Variants in TRIM24 observed in about 807,000 individuals in gnomAD.
TRIM24 encodes the protein tripartite motif containing 24, also known as transcription intermediary factor 1-alpha.
A neutral mutation model predicts 123.9 loss-of-function variants in TRIM24; 29 were observed. That is an observed-to-expected ratio of 0.23 (90% CI 0.17 to 0.32). The LOEUF is 0.32. TRIM24 is among the 10% of genes least tolerant of loss of function. The pLI is 1.00. For synonymous variants in TRIM24, 456 were observed against 461.1 expected, an observed-to-expected ratio of 0.99 and a Z score of 0.14; for missense variants, 932 against 1,295.3, an observed-to-expected ratio of 0.72 and a Z score of 4.31.
At chr7:138,494,102 C>T (rs1011619673) in intron 1 of TRIM24, among the ~76,000 whole-genome samples, 2 of 152,016 alleles carry the variant, frequency 1.3e-5, no homozygotes, top group Admixed American at 6.5e-5. Flanking sequence ...TCGCCTCAGC[C>T]TCCCAAGTAG....
intron 10 of TRIM24, among the ~76,000 whole-genome samples, chr7:138,570,009 G>T (rs796353142): frequency 2.1e-4 from 32 of 148,944 alleles, no homozygotes; most frequent in African/African-American, 8.0e-4. Flanking sequence ...GTGCACTGGT[G>T]CAATCTTGGC....
At chr7:138,578,954 T>A (rs1042759815) in intron 14 of TRIM24, among the ~76,000 whole-genome samples, 2 of 151,354 alleles carry the variant, frequency 1.3e-5, no homozygotes, top group South Asian at 4.1e-4. Context: ...TGTGGTTGAC[T>A]TCCACTCTAC....
intron 2 of TRIM24, among the ~76,000 whole-genome samples, chr7:138,508,693 G>GTGTGTGTGTGTGTGCGCA (rs1563038780): frequency 2.9e-4 from 8 of 27,856 alleles, no homozygotes; most frequent in African/African-American, 8.7e-4. Context: ...GTGTGTGTGT[G>GTGTGTGTGTGTGTGCGCA]CGCGCGCGTG....
intron 6 of TRIM24, among the ~76,000 whole-genome samples, chr7:138,535,913 T>C (rs1796860738): frequency 6.6e-6 from 1 of 152,160 alleles, no homozygotes; most frequent in Non-Finnish European, 1.5e-5. Flanking sequence ...CTTTGTTCGT[T>C]TCTTTTTACT....
intron 9 of TRIM24, among the ~76,000 whole-genome samples, chr7:138,566,223 A>AGTCTTGGAGACTTTGC (rs763604067): frequency 2.6e-4 from 39 of 152,184 alleles, no homozygotes; most frequent in Middle Eastern, 3.4e-3. Flanking sequence ...TGCTTTGAAA[A>AGTCTTGGAGACTTTGC]TATGTTTTCT....
chr7:138,533,674 C>T (rs1796798016), intron 6 of TRIM24, among the ~76,000 whole-genome samples: 1 of 152,108 alleles, frequency 6.6e-6, no homozygotes, highest in Admixed American at 6.5e-5. Context: ...GTCTAAAATT[C>T]TCTTTTTTTG....
intron 1 of TRIM24, among the ~76,000 whole-genome samples, chr7:138,467,355 T>C (rs1049682010): frequency 1.7e-4 from 26 of 152,096 alleles, no homozygotes; most frequent in African/African-American, 6.3e-4. Context: ...TTTTGTTTTG[T>C]TTTTTTGAGA....
chr7:138,557,504 T>C (rs762787329), intron 9 of TRIM24, among the ~76,000 whole-genome samples: 3 of 152,148 alleles, frequency 2.0e-5, no homozygotes, highest in East Asian at 1.9e-4. Context: ...TTAAGCAACC[T>C]CCTAGTATGG....
In TRIM24 at chr7:138,587,918, C is replaced by T. The variant is rs1192558798; in HGVS notation, c.*2967C>T. On this transcript the variant is annotated 3_prime_UTR_variant, in exon 19 of 19. Transcript: ENST00000343526. ...TTAGATCGGTATCTGGCATTGTAATCATTTTGTCTTTTGAATTAACATGCC... is the reference window on the plus strand; with the variant it reads ...TTAGATCGGTATCTGGCATTGTAATTATTTTGTCTTTTGAATTAACATGCC... 6.6e-6 allele frequency: 1 copy of T among 152,200 alleles called. No homozygotes were observed. Among genetic ancestry groups the T allele is most frequent in the Non-Finnish European group, 1.5e-5 (1 of 68,040 alleles). 9.4% of individuals were successfully genotyped at this position (152,200 alleles called of 1,614,324 possible).
At chr7:138,482,218 A>G (rs1039297507) in intron 1 of TRIM24, among the ~76,000 whole-genome samples, 2 of 152,150 alleles carry the variant, frequency 1.3e-5, no homozygotes, top group Admixed American at 1.3e-4. Context: ...GATTACAGGC[A>G]TGAACCACTG....
At chr7:138,480,007 CAG>C (rs1402035722) in intron 1 of TRIM24, among the ~76,000 whole-genome samples, 1 of 148,722 alleles carries the variant, frequency 6.7e-6, no homozygotes, top group Non-Finnish European at 1.5e-5. Context: ...TTAGTAGAGA[CAG>C]GGTTTCGCCA....
chr7:138,495,526 T>A (rs1265849274), intron 1 of TRIM24, among the ~76,000 whole-genome samples: 1 of 152,124 alleles, frequency 6.6e-6, no homozygotes, highest in Non-Finnish European at 1.5e-5. Flanking sequence ...CTTTTGTCTT[T>A]TTTCATGATA....
chr7:138,520,734 A>G (rs1382588055), intron 4 of TRIM24, among the ~76,000 whole-genome samples: 2 of 152,216 alleles, frequency 1.3e-5, no homozygotes, highest in Non-Finnish European at 2.9e-5. Flanking sequence ...AAATTAACTC[A>G]GTAGAAGGGC....
intron 6 of TRIM24, among the ~76,000 whole-genome samples, chr7:138,531,552 A>C (rs1331265204): frequency 4.6e-5 from 7 of 152,058 alleles, no homozygotes; most frequent in Admixed American, 2.0e-4. Flanking sequence ...TGAACTCATC[A>C]TTTTTTATGG....
At chr7:138,534,432 G>T (rs931829046) in intron 6 of TRIM24, among the ~76,000 whole-genome samples, 11 of 152,046 alleles carry the variant, frequency 7.2e-5, no homozygotes, top group Non-Finnish European at 1.0e-4. Flanking sequence ...CTTATTGGTT[G>T]CAAAGAACAT....
intron 1 of TRIM24, among the ~76,000 whole-genome samples, chr7:138,501,975 T>C (rs987872996): frequency 6.6e-6 from 1 of 152,130 alleles, no homozygotes; most frequent in African/African-American, 2.4e-5. Flanking sequence ...GCTTTGTTTT[T>C]CTAGTACTGA....
chr7:138,477,032 GAGTATT>G (rs1163382387), intron 1 of TRIM24, among the ~76,000 whole-genome samples: 2 of 141,526 alleles, frequency 1.4e-5, no homozygotes, highest in Non-Finnish European at 3.1e-5. Context: ...GCAGAAGAAT[GAGTATT>G]ATATGCTACC....
At position 138,538,823 on chromosome 7, in the gene TRIM24, T is replaced by A; in HGVS notation, c.1143+20T>A. On this transcript the variant is annotated intron_variant, in intron 7 of 18. Coordinates refer to ENST00000343526, the MANE Select transcript of TRIM24 (RefSeq NM_015905.3). ...CGACTGGTAAGATAAAGTATGCTATTTAATATACTGTAAAAATGCACAGTA... is the reference window on the plus strand; with the variant it reads ...CGACTGGTAAGATAAAGTATGCTATATAATATACTGTAAAAATGCACAGTA... 6.2e-7 allele frequency: 1 copy of A among 1,603,524 alleles called. No homozygotes were observed. Among genetic ancestry groups the A allele is most frequent in the South Asian group, 1.1e-5 (1 of 89,502 alleles).
At chr7:138,523,894 G>A (rs1488684110) in intron 4 of TRIM24, among the ~76,000 whole-genome samples, 1 of 151,894 alleles carries the variant, frequency 6.6e-6, no homozygotes, top group African/African-American at 2.4e-5. Context: ...GAAAATTACA[G>A]GCCAGTCTCA....
Sources: allele counts gnomAD v4.1 joint callset (sites outside exome capture counted in the v4.1 genomes callset), GRCh38; gene constraint gnomAD v4.1.1; transcripts MANE v1.5; gene names NCBI Gene and HGNC (gene_info 2026-07-23, HGNC 2026-07-21).